The following SCLT1 variants were observed in gnomAD, a reference collection of about 807,000 sequenced individuals.
SCLT1 encodes the protein sodium channel-associated protein 1.
SCLT1 carries 78 observed loss-of-function variants against 112.8 expected under a neutral mutation model. The ratio of observed to expected loss-of-function variants is 0.69; its 90% CI spans 0.58 to 0.83. The LOEUF (loss-of-function observed/expected upper bound fraction) is 0.83. SCLT1 is among the 40% of genes least tolerant of loss of function. The probability of loss-of-function intolerance (pLI) is 0.00; values close to 1 mark genes in which losing one functional copy is unlikely to be tolerated. For missense variants in SCLT1, 747 were observed against 770.4 expected, an observed-to-expected ratio of 0.97 and a Z score of 0.36; for synonymous variants, 257 against 254.7, an observed-to-expected ratio of 1.01 and a Z score of -0.09.
chr4:129,061,236 G>C (rs1437181505), intron 2 of SCLT1, among the ~76,000 whole-genome samples: 1 of 152,110 alleles, frequency 6.6e-6, no homozygotes, highest in African/African-American at 2.4e-5. Flanking sequence ...GCGGCAGCAA[G>C]TTTCCCAGAA....
chr4:129,055,218 C>G (rs62316971), intron 2 of SCLT1, among the ~76,000 whole-genome samples: 81,381 of 152,022 alleles, frequency 0.54, 24,636 homozygotes, highest in South Asian at 0.68. Flanking sequence ...GTTGGGAGAT[C>G]TTTCCCAGTC....
intron 13 of SCLT1, among the ~76,000 whole-genome samples, chr4:128,953,702 G>A (rs1226636115): frequency 3.3e-5 from 5 of 151,480 alleles, no homozygotes; most frequent in African/African-American, 1.2e-4. Context: ...GGGAGGCTAT[G>A]GCAGGAGAAT....
At chr4:128,984,226 A>G (rs1395618342) in intron 9 of SCLT1, among the ~76,000 whole-genome samples, 5 of 152,232 alleles carry the variant, frequency 3.3e-5, no homozygotes, top group Non-Finnish European at 7.3e-5. Flanking sequence ...TCTTCCAGGC[A>G]GATGTCAAAA....
chr4:128,965,752 T>C lies in SCLT1; in HGVS notation c.778-434A>G, dbSNP rs532185023. Among the ~76,000 whole-genome samples the C allele has an allele frequency of 3.9e-5, 6 of 152,224 alleles. No individual in the cohort carries two copies. The South Asian group carries it at 1.2e-3, about 32-fold the overall frequency. On this transcript the variant is annotated intron_variant, in intron 10 of 20. Transcript: ENST00000281142. ...GACCTATATTAATAAATTTTATTTG[T>C]ATCAACTTTCTAAGGAAATTTCTTG...
At chr4:128,940,871 AT>A (rs1394835085) in intron 17 of SCLT1, among the ~76,000 whole-genome samples, 1 of 152,102 alleles carries the variant, frequency 6.6e-6, no homozygotes, top group African/African-American at 2.4e-5. Flanking sequence ...TTTATGAAAT[AT>A]TTTAATTACT....
chr4:128,885,563 A>G (rs1269576388), intron 20 of SCLT1, among the ~76,000 whole-genome samples: 1 of 152,212 alleles, frequency 6.6e-6, no homozygotes, highest in African/African-American at 2.4e-5. Context: ...AATACTCCAT[A>G]TAACCAGTCT....
intron 5 of SCLT1, among the ~76,000 whole-genome samples, chr4:129,013,987 T>C (rs924902708): frequency 2.0e-5 from 3 of 152,216 alleles, no homozygotes; most frequent in African/African-American, 7.2e-5. Context: ...CCATATTTCT[T>C]GGAGGTTTTG....
intron 2 of SCLT1, 147 bp from the exon 3 acceptor site, chr4:129,044,198 A>G (rs558030938): frequency 3.0e-5 from 15 of 507,054 alleles, no homozygotes; most frequent in Non-Finnish European, 4.9e-5. Context: ...TAATAATCTC[A>G]ATTTATACTG....
At chr4:128,965,774 C>G (rs1218107484) in intron 10 of SCLT1, among the ~76,000 whole-genome samples, 3 of 147,254 alleles carry the variant, frequency 2.0e-5, no homozygotes, top group African/African-American at 5.0e-5. Context: ...AAGGAAATTT[C>G]TTGTTCATCT....
chr4:129,080,023 T>C (rs535582927), intron 2 of SCLT1, among the ~76,000 whole-genome samples: 2 of 152,240 alleles, frequency 1.3e-5, no homozygotes, highest in Non-Finnish European at 2.9e-5. Flanking sequence ...CTGAAGCAGC[T>C]GGGACCAGGG....
At position 129,038,723 on chromosome 4, in the gene SCLT1, C is replaced by CATTATTG. The variant is rs544400276; in HGVS notation, c.290+311_290+317dup. 3.5e-3 allele frequency among the ~76,000 whole-genome samples: 535 copies of CATTATTG among 152,246 alleles called. 2 individuals are homozygous for CATTATTG. The highest frequency in any genetic ancestry group is 4.5e-3 in the Non-Finnish European group (303 of 68,016). On this transcript the variant is annotated intron_variant, in intron 5 of 20. Coordinates refer to ENST00000281142, the MANE Select transcript of SCLT1 (RefSeq NM_144643.4). ...TAACATACATATATATTATATACTACATTATTGATTGCTAATATTGGTAAG... is the reference window on the plus strand; with the variant it reads ...TAACATACATATATATTATATACTACATTATTGATTATTGATTGCTAATATTGGTAAG...
intron 15 of SCLT1, 136 bp downstream of exon 15, chr4:128,948,356 AAAAG>A (rs1738384912): frequency 4.1e-5 from 41 of 1,006,028 alleles, no homozygotes; most frequent in South Asian, 6.9e-5. Context: ...AAAAAAAAAA[AAAAG>A]AAAAGAAAAG....
intron 5 of SCLT1, among the ~76,000 whole-genome samples, chr4:129,033,063 G>T (rs1297416274): frequency 6.6e-6 from 1 of 152,096 alleles, no homozygotes; most frequent in Non-Finnish European, 1.5e-5. Context: ...ATTTACAATA[G>T]CAAAGACTTG....
rs942327131 is a variant in SCLT1, at chr4:129,039,371, G to A, written c.235-275C>T. ...AATGTAATTCCTATGACTTGTAGTT[G>A]TGAAAAACAGATGAAAGATATTCTG... On this transcript the variant is annotated intron_variant, in intron 4 of 20. Transcript: ENST00000281142. 3.1e-5 allele frequency: 9 copies of A among 287,948 alleles called. No homozygotes were observed. In the Admixed American group the frequency reaches 3.9e-4, roughly 13 times the overall value. 17.8% of individuals were successfully genotyped at this position (287,948 alleles called of 1,614,324 possible).
intron 5 of SCLT1, among the ~76,000 whole-genome samples, chr4:129,022,937 C>T (rs1745626057): frequency 6.6e-6 from 1 of 152,312 alleles, no homozygotes; most frequent in South Asian, 2.1e-4. Flanking sequence ...ATTAGACTAA[C>T]AGCAGATCTC....
At chr4:129,064,673 A>G (rs1750313639) in intron 2 of SCLT1, among the ~76,000 whole-genome samples, 1 of 152,144 alleles carries the variant, frequency 6.6e-6, no homozygotes, top group African/African-American at 2.4e-5. Context: ...TACAATTTTT[A>G]TGTGTCTAAT....
intron 2 of SCLT1, among the ~76,000 whole-genome samples, chr4:129,073,437 A>T (rs1041953534): frequency 1.3e-5 from 2 of 152,220 alleles, no homozygotes; most frequent in African/African-American, 4.8e-5. Context: ...TTGTTATGAA[A>T]TCAAAATCTT....
intron 2 of SCLT1, among the ~76,000 whole-genome samples, chr4:129,063,481 A>G (rs1750180373): frequency 6.6e-6 from 1 of 152,216 alleles, no homozygotes; most frequent in Non-Finnish European, 1.5e-5. Context: ...GAAATGCTCA[A>G]GTTTGTGTGC....
At chr4:128,981,081 A>C (rs1436015850) in intron 9 of SCLT1, among the ~76,000 whole-genome samples, 1 of 152,198 alleles carries the variant, frequency 6.6e-6, no homozygotes, top group Non-Finnish European at 1.5e-5. Context: ...CAAGATAAAC[A>C]TCACCAGATC....
Sources: allele counts gnomAD v4.1 joint callset (sites outside exome capture counted in the v4.1 genomes callset), GRCh38; gene constraint gnomAD v4.1.1; transcripts MANE v1.5; gene names NCBI Gene and HGNC (gene_info 2026-07-23, HGNC 2026-07-21).